CEP63: variants seen among roughly 807,000 people sequenced by gnomAD.
The protein encoded by CEP63 is centrosomal protein of 63 kDa.
In CEP63, 84 loss-of-function variants were observed where a neutral mutation model predicts 89.1. That is an observed-to-expected ratio of 0.94 (90% confidence interval 0.79 to 1.13). CEP63 has a LOEUF of 1.13. CEP63 is among the 50% of genes most tolerant of loss of function. The pLI, the probability that CEP63 is intolerant of heterozygous loss-of-function variation, is 0.00. For synonymous variants in CEP63, 267 were observed against 272.5 expected, an observed-to-expected ratio of 0.98 and a Z score of 0.20; for missense variants, 838 against 813.3, an observed-to-expected ratio of 1.03 and a Z score of -0.37.
At chr3:134,711,176 C>A in the CEP63 span, among the ~76,000 whole-genome samples, 1 of 152,200 alleles carries the variant, frequency 6.6e-6, no homozygotes, top group East Asian at 1.9e-4. Context: ...ATATAATTGA[C>A]AACTAAACAG....
intron 6 of CEP63, among the ~76,000 whole-genome samples, chr3:134,542,750 G>T (rs1952317129): frequency 6.6e-6 from 1 of 152,034 alleles, no homozygotes; most frequent in Non-Finnish European, 1.5e-5. Context: ...ACTTTAGCTG[G>T]CCACACTGGC....
the CEP63 span, among the ~76,000 whole-genome samples, chr3:134,648,864 T>C: frequency 2.6e-5 from 4 of 152,156 alleles, no homozygotes; most frequent in Non-Finnish European, 5.9e-5. Flanking sequence ...CCAAGGAAGA[T>C]CCACTCTCCA....
the CEP63 span, chr3:134,619,130 G>A: frequency 6.3e-7 from 1 of 1,593,350 alleles, no homozygotes; most frequent in East Asian, 2.2e-5. Flanking sequence ...TCAGCATGGG[G>A]ACTCCTGTCT....
At chr3:134,709,233 C>T in the CEP63 span, among the ~76,000 whole-genome samples, 1 of 152,232 alleles carries the variant, frequency 6.6e-6, no homozygotes, top group Non-Finnish European at 1.5e-5. Flanking sequence ...GGCTTCAGTT[C>T]TCATAGGCTC....
chr3:134,559,419 T>G lies in CEP63; in HGVS notation c.1943T>G (p.Phe648Cys). Reference sequence around the variant, plus strand: ...GAGAGTATGAATGACCAAGAAGAGTTTATATCTTCGGTATGGAAACTTTCT... The same window carrying G: ...GAGAGTATGAATGACCAAGAAGAGTGTATATCTTCGGTATGGAAACTTTCT... ...MSESMNDQEE[F>C]ISSCSLPVSP... The change falls in exon 14 of 15, where the codon TTT becomes TGT. Residue 648 changes from phenylalanine (F) to cysteine (C), a missense_variant. Physicochemically the swap from Phe to Cys is radical, Grantham distance 205 (BLOSUM62 -2). Transcript: ENST00000675561. 6.2e-7 allele frequency: 1 copy of G among 1,613,484 alleles called. No homozygotes were observed. Among genetic ancestry groups the G allele is most frequent in the Non-Finnish European group, 8.5e-7 (1 of 1,179,478 alleles).
chr3:134,722,390 G>GGTA, the CEP63 span, among the ~76,000 whole-genome samples: 48 of 151,780 alleles, frequency 3.2e-4, no homozygotes, highest in African/African-American at 1.1e-3. Context: ...TCTGTAAGTT[G>GGTA]GTAGTGATGT....
chr3:134,551,519 T>C (rs76828864), intron 11 of CEP63, among the ~76,000 whole-genome samples: 2,465 of 152,180 alleles, frequency 0.016, 57 homozygotes, highest in African/African-American at 0.055. Context: ...GTTGTTATTT[T>C]GTGAATAAAG....
chr3:134,658,191 C>T, the CEP63 span, among the ~76,000 whole-genome samples: 3 of 152,166 alleles, frequency 2.0e-5, no homozygotes, highest in Non-Finnish European at 2.9e-5. Context: ...CCACTGCGCC[C>T]GGCTGATACA....
chr3:134,598,143 A>G, the CEP63 span, among the ~76,000 whole-genome samples: 11 of 152,186 alleles, frequency 7.2e-5, no homozygotes, highest in Non-Finnish European at 1.0e-4. Context: ...TTTTGATGAA[A>G]CACAATACAT....
upstream of CEP63, chr3:134,485,998 C>A (rs1002660373): frequency 2.0e-6 from 2 of 981,730 alleles, no homozygotes; most frequent in Non-Finnish European, 2.4e-6. Flanking sequence ...CACGCCCCCC[C>A]CCCCTCCCCC....
the CEP63 span, among the ~76,000 whole-genome samples, chr3:134,740,823 G>A: frequency 6.6e-6 from 1 of 152,226 alleles, no homozygotes; most frequent in African/African-American, 2.4e-5. Flanking sequence ...CGACCCCAGG[G>A]AAGAGGTTCA....
At chr3:134,489,079 TGAA>T (rs1936731491) in intron 1 of CEP63, among the ~76,000 whole-genome samples, 1 of 150,388 alleles carries the variant, frequency 6.6e-6, no homozygotes, top group Non-Finnish European at 1.5e-5. Flanking sequence ...GAGAATCGCT[TGAA>T]CCCGGGAGGT....
the CEP63 span, among the ~76,000 whole-genome samples, chr3:134,732,381 A>T: frequency 6.6e-6 from 1 of 152,198 alleles, no homozygotes; most frequent in Non-Finnish European, 1.5e-5. Context: ...CCATCTGAAG[A>T]TTCCAAAATG....
At chr3:134,530,995 G>A (rs994006522) in intron 3 of CEP63, among the ~76,000 whole-genome samples, 1 of 152,152 alleles carries the variant, frequency 6.6e-6, no homozygotes, top group Non-Finnish European at 1.5e-5. Context: ...TGAAGGCTTG[G>A]CAGAAAATAG....
At chr3:134,583,582 G>C (rs1297015493) in intron 10 of CEP63, among the ~76,000 whole-genome samples, 1 of 152,104 alleles carries the variant, frequency 6.6e-6, no homozygotes, top group African/African-American at 2.4e-5. Flanking sequence ...GGTTACTGTA[G>C]CCTTGTAGTA....
At chr3:134,594,729 C>A in the CEP63 span, among the ~76,000 whole-genome samples, 291 of 152,330 alleles carry the variant, frequency 1.9e-3, 4 homozygotes, top group African/African-American at 6.7e-3. Context: ...GCCATGTAAA[C>A]AACCCAGAGA....
the CEP63 span, among the ~76,000 whole-genome samples, chr3:134,623,533 G>A: frequency 1.3e-5 from 2 of 151,722 alleles, no homozygotes; most frequent in African/African-American, 4.8e-5. Context: ...TTTCCTGGCT[G>A]CTCCATGCCC....
intron 1 of CEP63, among the ~76,000 whole-genome samples, chr3:134,490,794 T>G (rs1937353238): frequency 6.6e-6 from 1 of 151,918 alleles, no homozygotes; most frequent in Admixed American, 6.6e-5. Flanking sequence ...CAAATCTACA[T>G]GGACAAACAT....
At chr3:134,591,167 A>G (rs1290050277), downstream of CEP63, among the ~76,000 whole-genome samples, 1 of 152,240 alleles carries the variant, frequency 6.6e-6, no homozygotes, top group East Asian at 1.9e-4. Context: ...ATAAAACTGT[A>G]GGTAGGAAAT....
Sources: allele counts gnomAD v4.1 joint callset (sites outside exome capture counted in the v4.1 genomes callset), GRCh38; gene constraint gnomAD v4.1.1; transcripts MANE v1.5; gene names NCBI Gene and HGNC (gene_info 2026-07-23, HGNC 2026-07-21).